Variants in PTK2 observed in about 807,000 individuals in gnomAD.
PTK2 encodes focal adhesion kinase 1.
Under a neutral mutation model 150.1 loss-of-function variants are expected in PTK2, and 45 were observed. The ratio of observed to expected loss-of-function variants is 0.30; its 90% CI spans 0.24 to 0.38. The LOEUF is 0.38. Ranked by LOEUF, PTK2 falls within the 10% of genes least tolerant of loss-of-function variation. PTK2 has a pLI of 1.00. For synonymous variants in PTK2, 432 were observed against 449.2 expected, an observed-to-expected ratio of 0.96 and a Z score of 0.48; for missense variants, 919 against 1,307.3, an observed-to-expected ratio of 0.70 and a Z score of 4.58.
chr8:140,908,601 A>C (rs1427693948), intron 2 of PTK2, among the ~76,000 whole-genome samples: 1 of 152,184 alleles, frequency 6.6e-6, no homozygotes, highest in African/African-American at 2.4e-5. Flanking sequence ...AGTTGAAGCC[A>C]ACACTCATTT....
intron 12 of PTK2, among the ~76,000 whole-genome samples, chr8:140,796,550 T>C (rs2100091719): frequency 6.6e-6 from 1 of 152,168 alleles, no homozygotes; most frequent in African/African-American, 2.4e-5. Flanking sequence ...TCCATTATTA[T>C]ATTTTTGCCT....
intron 7 of PTK2, among the ~76,000 whole-genome samples, chr8:140,833,401 C>T (rs1189425607): frequency 6.6e-6 from 1 of 152,164 alleles, no homozygotes; most frequent in Non-Finnish European, 1.5e-5. Context: ...AATCAAACTA[C>T]TTCAGGTTTT....
chr8:140,743,126 TTA>T lies in PTK2; in HGVS notation c.1735+102_1735+103del, dbSNP rs1296479165. On this transcript the variant is annotated intron_variant, in intron 20 of 31. Transcript: ENST00000522684. ...TGTCGCTTCCTCCATTTAGTTGATT[TTA>T]TATCTCTGTCAAAGATCAGGTGAGC... The T allele has an allele frequency of 8.9e-5, 70 of 783,002 alleles. No homozygotes were observed. In the South Asian group the frequency reaches 1.4e-3, roughly 15 times the overall value. The allele number at this position is 783,002 out of a possible 1,614,324, so 48.5% of individuals were successfully genotyped here. A position where few individuals can be genotyped will look rare whatever the true frequency, so the allele number is the denominator to read the frequency against.
At chr8:140,790,676 A>G (rs1193239192) in intron 13 of PTK2, among the ~76,000 whole-genome samples, 2 of 152,224 alleles carry the variant, frequency 1.3e-5, no homozygotes. Flanking sequence ...TATAATCTCT[A>G]TAATAATCAC....
chr8:140,873,227 T>C (rs1343218109), intron 4 of PTK2, among the ~76,000 whole-genome samples: 1 of 152,220 alleles, frequency 6.6e-6, no homozygotes, highest in African/African-American at 2.4e-5. Flanking sequence ...TATTAAAACA[T>C]TCTCCCTAGC....
chr8:140,768,863 A>G (rs2100073937), intron 14 of PTK2, among the ~76,000 whole-genome samples: 1 of 152,204 alleles, frequency 6.6e-6, no homozygotes, highest in Non-Finnish European at 1.5e-5. Context: ...CGTTATCAAT[A>G]TCTCTATCCT....
At chr8:140,674,114 T>G in intron 29 of PTK2, 184 bp downstream of exon 32, 2 of 754,254 alleles carry the variant, frequency 2.7e-6, no homozygotes. Flanking sequence ...GCATAAAGCT[T>G]TTCCCTGACT....
At chr8:140,906,089 C>CA (rs71308995) in intron 2 of PTK2, among the ~76,000 whole-genome samples, 63,319 of 151,304 alleles carry the variant, frequency 0.42, 15,125 homozygotes, top group Non-Finnish European at 0.55. Flanking sequence ...AGAAGACATA[C>CA]AAAAGGCCAA....
intron 16 of PTK2, among the ~76,000 whole-genome samples, chr8:140,759,846 C>CA (rs2100068333): frequency 3.3e-5 from 5 of 149,880 alleles, no homozygotes; most frequent in African/African-American, 1.2e-4. Context: ...CTCTCTCTCA[C>CA]CCACACACAC....
chr8:140,935,702 CTTTTTT>C, intron 1 of PTK2, among the ~76,000 whole-genome samples: 1 of 123,864 alleles, frequency 8.1e-6, no homozygotes. Flanking sequence ...ATGTCCTCAT[CTTTTTT>C]TTTTTTTTTG....
At chr8:140,896,444 A>C (rs1371003486) in intron 2 of PTK2, among the ~76,000 whole-genome samples, 1 of 152,242 alleles carries the variant, frequency 6.6e-6, no homozygotes, top group Admixed American at 6.5e-5. Flanking sequence ...CATGACCAAA[A>C]GTTTATTCTA....
At chr8:140,979,700 T>C (rs777259188) in intron 1 of PTK2, among the ~76,000 whole-genome samples, 5 of 152,182 alleles carry the variant, frequency 3.3e-5, no homozygotes, top group Non-Finnish European at 5.9e-5. Context: ...GGGAGGTAAC[T>C]GAATCATAAG....
At chr8:140,944,275 C>A (rs2100176888) in intron 1 of PTK2, among the ~76,000 whole-genome samples, 1 of 152,166 alleles carries the variant, frequency 6.6e-6, no homozygotes, top group African/African-American at 2.4e-5. Context: ...CAAGGCTTTG[C>A]AGAAATACTG....
At chr8:140,973,201 A>G (rs2100188001) in intron 1 of PTK2, among the ~76,000 whole-genome samples, 1 of 152,230 alleles carries the variant, frequency 6.6e-6, no homozygotes, top group South Asian at 2.1e-4. Context: ...TGCTCAAAGA[A>G]AAGTTTGGCC....
chr8:140,954,662 C>G (rs1191506873), intron 1 of PTK2: 2 of 152,010 alleles, frequency 1.3e-5, no homozygotes, highest in Non-Finnish European at 2.9e-5. Context: ...TATTGTACAT[C>G]AAAGAGACAC....
intron 9 of PTK2, 139 bp from the exon 10 acceptor site, chr8:140,818,493 A>AT (rs1380360740): frequency 1.4e-6 from 1 of 724,342 alleles, no homozygotes; most frequent in African/African-American, 1.8e-5. Flanking sequence ...CAAATAAGAT[A>AT]AAATATTTAT....
chr8:140,704,325 T>C (rs999403147), intron 24 of PTK2, among the ~76,000 whole-genome samples: 1 of 152,200 alleles, frequency 6.6e-6, no homozygotes, highest in African/African-American at 2.4e-5. Flanking sequence ...TAATCATACA[T>C]TAGTTCAATG....
intron 29 of PTK2, chr8:140,669,165 C>G (rs992185539): frequency 1.3e-5 from 2 of 151,796 alleles, no homozygotes; most frequent in South Asian, 2.1e-4. Flanking sequence ...TACCTAGGGC[C>G]TGGGCACAGA....
intron 2 of PTK2, chr8:140,920,915 C>A: frequency 6.6e-7 from 1 of 1,511,554 alleles, no homozygotes; most frequent in Admixed American, 2.2e-5. Flanking sequence ...CAACAACATA[C>A]ACCCAATCCT....
Sources: gnomAD v4.1 joint callset for allele counts (sites outside exome capture counted in the v4.1 genomes callset) on GRCh38, gnomAD v4.1.1 for gene constraint, MANE v1.5 for transcripts, NCBI Gene and HGNC (gene_info 2026-07-23, HGNC 2026-07-21) for gene names.